The following AUTS2 variants were observed in gnomAD, a reference collection of about 807,000 sequenced individuals.
AUTS2 encodes autism susceptibility gene 2 protein.
In AUTS2, 17 loss-of-function variants were observed where a neutral mutation model predicts 112.4. The observed-to-expected ratio is 0.15, with a 90% confidence interval of 0.10 to 0.23. The LOEUF (loss-of-function observed/expected upper bound fraction) is 0.23. AUTS2 is among the 10% of genes least tolerant of loss of function. The probability of loss-of-function intolerance (pLI) is 1.00; values close to 1 mark genes in which losing one functional copy is unlikely to be tolerated. For synonymous variants in AUTS2, 751 were observed against 702.7 expected (o/e 1.07, Z -1.09); for missense variants, 1,510 against 1,701.6 (o/e 0.89, Z 1.98).
chr7:70,623,127 C>T (rs3922333), intron 5 of AUTS2, among the ~76,000 whole-genome samples: 126,535 of 152,178 alleles, frequency 0.83, 52,772 homozygotes, highest in Middle Eastern at 0.9. Flanking sequence ...TTGGTCCTCA[C>T]AGTTATCCAA....
At chr7:69,918,822 T>C (rs1795694632) in intron 2 of AUTS2, among the ~76,000 whole-genome samples, 1 of 152,240 alleles carries the variant, frequency 6.6e-6, no homozygotes, top group Non-Finnish European at 1.5e-5. Flanking sequence ...AGGATTTTAA[T>C]ACTAGGATCT....
intron 1 of AUTS2, among the ~76,000 whole-genome samples, chr7:69,644,536 C>G (rs1168592904): frequency 6.7e-6 from 1 of 150,248 alleles, no homozygotes; most frequent in Non-Finnish European, 1.5e-5. Flanking sequence ...TTTGTTTGTT[C>G]ATCATTCATT....
At chr7:70,506,694 C>A (rs896040630) in intron 5 of AUTS2, among the ~76,000 whole-genome samples, 2 of 152,242 alleles carry the variant, frequency 1.3e-5, no homozygotes, top group Non-Finnish European at 2.9e-5. Flanking sequence ...AGCAGTCCCA[C>A]GCTGCTCTCC....
At chr7:70,628,392 A>G (rs1310822530) in intron 5 of AUTS2, among the ~76,000 whole-genome samples, 1 of 150,098 alleles carries the variant, frequency 6.7e-6, no homozygotes, top group Non-Finnish European at 1.5e-5. Flanking sequence ...TATAAATTAT[A>G]TAAGCTTCAG....
chr7:70,761,013 C>T (rs1789534344), intron 6 of AUTS2, among the ~76,000 whole-genome samples: 1 of 152,136 alleles, frequency 6.6e-6, no homozygotes, highest in Non-Finnish European at 1.5e-5. Flanking sequence ...TTTATAAACC[C>T]AAGTTTTGTT....
chr7:70,235,630 CCT>C (rs1230141062), intron 4 of AUTS2, among the ~76,000 whole-genome samples: 1 of 151,926 alleles, frequency 6.6e-6, no homozygotes, highest in Non-Finnish European at 1.5e-5. Flanking sequence ...ATCTTCCACC[CCT>C]GTGTTTTTCT....
intron 4 of AUTS2, among the ~76,000 whole-genome samples, chr7:70,336,583 A>G (rs777301156): frequency 1.4e-4 from 22 of 152,116 alleles, no homozygotes; most frequent in Non-Finnish European, 2.6e-4. Flanking sequence ...GTTTTGCACT[A>G]TTTTTGAATT....
intron 4 of AUTS2, among the ~76,000 whole-genome samples, chr7:70,434,351 T>A (rs1428915613): frequency 6.6e-6 from 1 of 151,974 alleles, no homozygotes. Flanking sequence ...GAGAAGGGAG[T>A]TGTGAATGGC....
chr7:70,344,725 C>T lies in AUTS2; in HGVS notation c.661-91027C>T, dbSNP rs560101705. ...TTTGGCTAGCAGTATGTCTCCCCCA[C>T]CCCATCCTGCAAAACCATTTTTTTT... On this transcript the variant is annotated intron_variant, in intron 4 of 18. Transcript: ENST00000342771. Among the ~76,000 whole-genome samples, 135 of 152,264 alleles carry T rather than the reference C, an allele frequency of 8.9e-4. 1 individual carries two copies. Among genetic ancestry groups the T allele is most frequent in the Admixed American group, 8.8e-3 (134 of 15,286 alleles).
chr7:70,600,740 C>T (rs374232955), intron 5 of AUTS2, among the ~76,000 whole-genome samples: 28 of 152,354 alleles, frequency 1.8e-4, no homozygotes, highest in African/African-American at 6.0e-4. Context: ...TGCTTTCTGT[C>T]ACTGTGAATT....
rs34967195 is a variant in AUTS2 at position 70,119,367 on chromosome 7, A to AT, written c.624+1150dup. The AT allele has an allele frequency of 3.9e-3, 533 of 138,220 alleles. 2 individuals carry two copies. Among genetic ancestry groups the AT allele is most frequent in the East Asian group, 0.022 (101 of 4,598 alleles). The allele number at this position is 138,220 out of a possible 1,614,324, so 8.6% of individuals were successfully genotyped here. On this transcript the variant is annotated intron_variant, in intron 3 of 18. Coordinates refer to ENST00000342771, the MANE Select transcript of AUTS2 (RefSeq NM_015570.4). ...TTTGTGAAATGGATCAAGTAAAGAG[A>AT]TTTTTTTTTTTTTTTTGAGACTGAG... is the stretch of plus-strand genomic sequence containing the variant.
intron 1 of AUTS2, among the ~76,000 whole-genome samples, chr7:69,744,933 T>G (rs554527611): frequency 6.6e-6 from 1 of 152,206 alleles, no homozygotes; most frequent in Non-Finnish European, 1.5e-5. Flanking sequence ...TTTGCTGTTA[T>G]CCTGTTGTGC....
At chr7:70,143,926 T>G (rs1806992547) in intron 4 of AUTS2, among the ~76,000 whole-genome samples, 1 of 152,130 alleles carries the variant, frequency 6.6e-6, no homozygotes, top group Admixed American at 6.6e-5. Context: ...ACTCCTAATA[T>G]TTCATATGTT....
intron 1 of AUTS2, among the ~76,000 whole-genome samples, chr7:69,789,723 C>G (rs1429915470): frequency 2.0e-5 from 3 of 151,880 alleles, no homozygotes; most frequent in Non-Finnish European, 4.4e-5. Context: ...CGTTAAGATT[C>G]CTTTTGGAAC....
At chr7:70,342,339 G>C (rs1230922157) in intron 4 of AUTS2, among the ~76,000 whole-genome samples, 1 of 148,576 alleles carries the variant, frequency 6.7e-6, no homozygotes, top group Non-Finnish European at 1.5e-5. Flanking sequence ...TTTTTTTTGC[G>C]GGGGGGAAGT....
At chr7:70,029,937 C>T (rs1800700689) in intron 2 of AUTS2, among the ~76,000 whole-genome samples, 1 of 152,172 alleles carries the variant, frequency 6.6e-6, no homozygotes, top group Non-Finnish European at 1.5e-5. Flanking sequence ...GCAAACCACA[C>T]ATCATTTTAG....
At chr7:70,584,713 C>CT (rs1295663331) in intron 5 of AUTS2, among the ~76,000 whole-genome samples, 1 of 152,268 alleles carries the variant, frequency 6.6e-6, no homozygotes, top group Non-Finnish European at 1.5e-5. Flanking sequence ...CCACAGGCCC[C>CT]TGTTCCAGGG....
intron 4 of AUTS2, among the ~76,000 whole-genome samples, chr7:70,209,449 G>A (rs537700656): frequency 2.0e-5 from 3 of 152,186 alleles, no homozygotes; most frequent in African/African-American, 2.4e-5. Context: ...AATGTCCAGC[G>A]TGGAGGTATA....
intron 1 of AUTS2, among the ~76,000 whole-genome samples, chr7:69,713,102 G>A (rs1798409516): frequency 6.6e-6 from 1 of 152,036 alleles, no homozygotes; most frequent in African/African-American, 2.4e-5. Flanking sequence ...GCTTTTGTTT[G>A]TTTTTATTGA....
Sources: gnomAD v4.1 joint callset for allele counts (sites outside exome capture counted in the v4.1 genomes callset) on GRCh38, gnomAD v4.1.1 for gene constraint, MANE v1.5 for transcripts, NCBI Gene and HGNC (gene_info 2026-07-23, HGNC 2026-07-21) for gene names.